C1QTNF3: variants seen among roughly 807,000 people sequenced by gnomAD.
The protein encoded by C1QTNF3 is complement C1q tumor necrosis factor-related protein 3.
In C1QTNF3, 26 loss-of-function variants were observed where a neutral mutation model predicts 32.6. That is an observed-to-expected ratio of 0.80 (90% CI 0.58 to 1.11). The LOEUF is 1.11. C1QTNF3 is among the 50% of genes least tolerant of loss of function. The pLI is 0.00. For missense variants in C1QTNF3, 362 were observed against 398.2 expected (o/e 0.91, Z 0.77); for synonymous variants, 155 against 146.0 (o/e 1.06, Z -0.44).
chr5:34,058,795 T>C, the C1QTNF3 span, among the ~76,000 whole-genome samples: 3 of 152,224 alleles, frequency 2.0e-5, no homozygotes, highest in Non-Finnish European at 4.4e-5. Context: ...CATTCTGCAT[T>C]GATGCACAGC....
the C1QTNF3 span, among the ~76,000 whole-genome samples, chr5:34,071,796 G>A: frequency 3.3e-5 from 5 of 152,206 alleles, no homozygotes; most frequent in South Asian, 2.1e-4. Flanking sequence ...ATATTGCTGA[G>A]AAAAGAAGAT....
the C1QTNF3 span, chr5:34,219,802 A>G: frequency 1.3e-5 from 2 of 152,106 alleles, no homozygotes; most frequent in Admixed American, 6.6e-5. Flanking sequence ...GTTCTTTAAA[A>G]TAACAATTCA....
At chr5:34,021,348 G>A (rs1754323653) in intron 5 of C1QTNF3, among the ~76,000 whole-genome samples, 1 of 152,228 alleles carries the variant, frequency 6.6e-6, no homozygotes, top group African/African-American at 2.4e-5. Context: ...TCTAATGCCT[G>A]TAGGGTAAGA....
At chr5:34,202,814 C>T in the C1QTNF3 span, among the ~76,000 whole-genome samples, 2 of 151,154 alleles carry the variant, frequency 1.3e-5, no homozygotes, top group African/African-American at 4.9e-5. Context: ...TTTTTTTTTC[C>T]CTGCAGCCTG....
At chr5:34,122,197 G>A in the C1QTNF3 span, among the ~76,000 whole-genome samples, 98 of 152,300 alleles carry the variant, frequency 6.4e-4, 1 homozygote, top group Non-Finnish European at 1.2e-3. Context: ...GTTTCAAAGT[G>A]CATGGTAGAA....
At chr5:34,134,835 G>A in the C1QTNF3 span, among the ~76,000 whole-genome samples, 1 of 152,146 alleles carries the variant, frequency 6.6e-6, no homozygotes, top group Non-Finnish European at 1.5e-5. Context: ...GAGACGATGA[G>A]GTTTTCTAAA....
the C1QTNF3 span, among the ~76,000 whole-genome samples, chr5:34,239,128 A>G: frequency 3.9e-5 from 6 of 152,292 alleles, no homozygotes; most frequent in South Asian, 1.2e-3. Context: ...AGCCTTATGA[A>G]AGGTCCTTAA....
At chr5:34,135,860 A>G in the C1QTNF3 span, among the ~76,000 whole-genome samples, 1 of 145,504 alleles carries the variant, frequency 6.9e-6, no homozygotes, top group African/African-American at 2.5e-5. Context: ...GATCTTTGAC[A>G]AACCTGACAA....
At chr5:34,101,455 G>C in the C1QTNF3 span, among the ~76,000 whole-genome samples, 19 of 151,554 alleles carry the variant, frequency 1.3e-4, no homozygotes, top group Non-Finnish European at 1.6e-4. Context: ...CGCATTTCTT[G>C]GCATGGAATT....
At chr5:34,073,916 C>T in the C1QTNF3 span, among the ~76,000 whole-genome samples, 1 of 152,096 alleles carries the variant, frequency 6.6e-6, no homozygotes, top group African/African-American at 2.4e-5. Flanking sequence ...AAAATCAGAT[C>T]ATCAGTTGAT....
chr5:34,177,060 G>A, the C1QTNF3 span, among the ~76,000 whole-genome samples: 3 of 152,034 alleles, frequency 2.0e-5, no homozygotes, highest in African/African-American at 7.2e-5. Flanking sequence ...AGGTGTAGTG[G>A]CGCATGCCTG....
chr5:34,195,274 A>C, the C1QTNF3 span, among the ~76,000 whole-genome samples: 1 of 151,726 alleles, frequency 6.6e-6, no homozygotes, highest in African/African-American at 2.4e-5. Context: ...TGAAAAAATA[A>C]AAATTTTTAA....
At chr5:34,185,977 C>T in the C1QTNF3 span, among the ~76,000 whole-genome samples, 5 of 151,352 alleles carry the variant, frequency 3.3e-5, no homozygotes, top group African/African-American at 1.2e-4. Context: ...TCCAGTTACA[C>T]TTTAATATGT....
chr5:34,078,746 C>T, the C1QTNF3 span, among the ~76,000 whole-genome samples: 1 of 151,654 alleles, frequency 6.6e-6, no homozygotes, highest in African/African-American at 2.4e-5. The surrounding 1 kb of genome is among the most constrained non-coding windows in gnomAD (Gnocchi z 4.0). Context: ...TTTGTCCCAC[C>T]TTGTAAACCT....
chr5:34,123,692 A>C, the C1QTNF3 span, among the ~76,000 whole-genome samples: 2 of 151,284 alleles, frequency 1.3e-5, no homozygotes, highest in African/African-American at 4.9e-5. Flanking sequence ...TTTAATTTGT[A>C]ATCACATTTG....
chr5:34,213,786 C>CATATAT, the C1QTNF3 span, among the ~76,000 whole-genome samples: 29 of 15,450 alleles, frequency 1.9e-3, no homozygotes, highest in African/African-American at 2.2e-3. Flanking sequence ...TGTATATATA[C>CATATAT]ATATATATAT....
the C1QTNF3 span, among the ~76,000 whole-genome samples, chr5:34,176,980 C>A: frequency 1.9e-3 from 292 of 152,228 alleles, 3 homozygotes; most frequent in African/African-American, 6.6e-3. Flanking sequence ...ATCACTTGAG[C>A]TCAAGAGTTC....
At chr5:34,163,757 C>T in the C1QTNF3 span, among the ~76,000 whole-genome samples, 28 of 152,202 alleles carry the variant, frequency 1.8e-4, no homozygotes, top group African/African-American at 6.7e-4. Flanking sequence ...TTCTTAAATA[C>T]TACCTAGTAA....
chr5:34,067,294 T>A, the C1QTNF3 span, among the ~76,000 whole-genome samples: 1 of 152,218 alleles, frequency 6.6e-6, no homozygotes, highest in Non-Finnish European at 1.5e-5. Context: ...CAAAATTGCT[T>A]CCACATTTTC....
Sources: allele counts gnomAD v4.1 joint callset (sites outside exome capture counted in the v4.1 genomes callset), GRCh38; gene constraint gnomAD v4.1.1; non-coding constraint Gnocchi (gnomAD v3.1); transcripts MANE v1.5; gene names NCBI Gene and HGNC (gene_info 2026-07-23, HGNC 2026-07-21).